LRP1B: variants seen among roughly 807,000 people sequenced by gnomAD.
LRP1B encodes LDL receptor related protein 1B.
LRP1B carries 217 observed loss-of-function variants against 556.6 expected under a neutral mutation model. The observed-to-expected ratio is 0.39, with a 90% CI of 0.35 to 0.44. The LOEUF (loss-of-function observed/expected upper bound fraction) is 0.44, where lower values mean the gene tolerates loss of function less well. Ranked by LOEUF, LRP1B falls within the 20% of genes least tolerant of loss-of-function variation. LRP1B has a pLI of 1.00. For synonymous variants in LRP1B, 2,047 were observed against 1,865.8 expected, an observed-to-expected ratio of 1.10 and a Z score of -2.50; for missense variants, 5,053 against 5,620.8, an observed-to-expected ratio of 0.90 and a Z score of 3.23.
chr2:141,920,598 C>T (rs1700160445), intron 1 of LRP1B, among the ~76,000 whole-genome samples: 1 of 151,896 alleles, frequency 6.6e-6, no homozygotes, highest in Admixed American at 6.6e-5. Flanking sequence ...GATGAATGAA[C>T]AAAGTTGAAG....
chr2:140,371,962 A>G (rs769557694), intron 69 of LRP1B, among the ~76,000 whole-genome samples: 1 of 152,086 alleles, frequency 6.6e-6, no homozygotes, highest in African/African-American at 2.4e-5. Flanking sequence ...AATATTTGCA[A>G]GTTTATAATA....
At chr2:141,239,330 A>T (rs1191907216) in intron 5 of LRP1B, among the ~76,000 whole-genome samples, 1 of 152,148 alleles carries the variant, frequency 6.6e-6, no homozygotes, top group East Asian at 1.9e-4. Flanking sequence ...TGTAAGATTC[A>T]TTGAAGGCGA....
chr2:141,931,969 G>A (rs562235843), intron 1 of LRP1B, among the ~76,000 whole-genome samples: 33 of 152,090 alleles, frequency 2.2e-4, no homozygotes, highest in African/African-American at 7.7e-4. Flanking sequence ...GGATTTAATA[G>A]GTGTTTGAAA....
intron 62 of LRP1B, among the ~76,000 whole-genome samples, chr2:140,451,493 T>C (rs1420925295): frequency 2.6e-5 from 4 of 152,222 alleles, no homozygotes; most frequent in African/African-American, 9.6e-5. Flanking sequence ...CATCTCTTAG[T>C]CTGTGTTCTT....
chr2:141,547,008 G>A (rs76504749), intron 2 of LRP1B, among the ~76,000 whole-genome samples: 1,637 of 152,106 alleles, frequency 0.011, 14 homozygotes, highest in Middle Eastern at 0.017. Flanking sequence ...TTTCCTAATG[G>A]TTCCCAAATG....
At chr2:140,334,000 A>AAAACAAAACAAAAC (rs1553449061) in intron 79 of LRP1B, among the ~76,000 whole-genome samples, 1 of 151,672 alleles carries the variant, frequency 6.6e-6, no homozygotes, top group African/African-American at 2.4e-5. Flanking sequence ...AAAAGGCAAA[A>AAAACAAAACAAAAC]AAAACAAAAC....
intron 2 of LRP1B, among the ~76,000 whole-genome samples, chr2:141,616,721 CA>C (rs1334436047): frequency 6.6e-6 from 1 of 152,174 alleles, no homozygotes. Flanking sequence ...TTACTGCACA[CA>C]AAAGATTTCA....
chr2:141,102,861 T>G (rs567252674), intron 7 of LRP1B, among the ~76,000 whole-genome samples: 69 of 152,226 alleles, frequency 4.5e-4, no homozygotes, highest in African/African-American at 1.6e-3. Context: ...TAAAAATTCT[T>G]TATTTATGAA....
At position 140,325,799 on chromosome 2, in the gene LRP1B, A is replaced by G. The variant is rs1680442039; in HGVS notation, c.12303T>C (p.Asp4101=). The G allele has an allele frequency of 1.2e-6, 2 of 1,613,004 alleles. No individual in the cohort carries two copies. Among genetic ancestry groups the G allele is most frequent in the Non-Finnish European group, 1.7e-6 (2 of 1,179,452 alleles). Residue 4101 remains aspartate (D), a synonymous_variant, in exon 80 of 91, where the codon GAT becomes GAC. Transcript: ENST00000389484. ...ELSIIGSVLY[D]GSNSVVSVSS... ...TGACAGAGACTACTGAATTAGAGCC[A>G]TCATACAGAACACTGCCAATGATGG...
Position 140,700,660 on chromosome 2 carries a change from GT to G in LRP1B, c.6428-40del, listed in dbSNP as rs200561604. The G allele has an allele frequency of 4.0e-4, 637 of 1,580,602 alleles. 3 individuals are homozygous for G. The East Asian group carries it at 0.013, about 33-fold the overall frequency. On this transcript the variant is annotated intron_variant, in intron 40 of 90. Coordinates refer to ENST00000389484, the MANE Select transcript of LRP1B (RefSeq NM_018557.3). ...ATGATACACACATGCACATGTTTAT[GT>G]TTTTCTTTTGTTTTTGAAACAAAAT...
intron 1 of LRP1B, among the ~76,000 whole-genome samples, chr2:141,996,655 T>C (rs964971318): frequency 1.3e-5 from 2 of 152,128 alleles, no homozygotes; most frequent in Admixed American, 6.5e-5. Context: ...AGCTCGACCA[T>C]GTGGAATTTA....
chr2:141,488,847 A>C (rs1218232441), intron 2 of LRP1B, among the ~76,000 whole-genome samples: 1 of 152,156 alleles, frequency 6.6e-6, no homozygotes, highest in South Asian at 2.1e-4. Flanking sequence ...TGCCTTAAAA[A>C]TTAACTTTCC....
chr2:141,539,228 A>G (rs957183347), intron 2 of LRP1B, among the ~76,000 whole-genome samples: 4 of 152,098 alleles, frequency 2.6e-5, no homozygotes, highest in African/African-American at 9.7e-5. Flanking sequence ...TTAAGGATGT[A>G]TATAGTACTA....
At chr2:142,081,969 T>C (rs1385805893) in intron 1 of LRP1B, among the ~76,000 whole-genome samples, 4 of 152,196 alleles carry the variant, frequency 2.6e-5, no homozygotes, top group African/African-American at 9.6e-5. Flanking sequence ...TACTAAGTGG[T>C]AGAACTAGAT....
rs187098802 is a variant in LRP1B at position 141,407,265 on chromosome 2, A to G, written c.343+73131T>C. ...TTCATAATTCTCAATAAAATAATAG[A>G]AATGTTAAGATGTATTTAATTCAAC... On this transcript the variant is annotated intron_variant, in intron 3 of 90. Coordinates refer to ENST00000389484, the MANE Select transcript of LRP1B (RefSeq NM_018557.3). Among the ~76,000 whole-genome samples the G allele has an allele frequency of 5.3e-5, 8 of 152,264 alleles. No individual in the cohort carries two copies. The East Asian group carries it at 1.5e-3, about 29-fold the overall frequency.
rs564265777 is a variant in LRP1B, at chr2:140,605,349, A to G, written c.6800-3710T>C. Among the ~76,000 whole-genome samples, 25 of 152,240 alleles carry G rather than the reference A, an allele frequency of 1.6e-4. No individual in the cohort carries two copies. In the South Asian group the frequency reaches 5.2e-3, roughly 32 times the overall value. The stretch of plus-strand genomic sequence containing the variant: ...TATTCCACATCTATATTAACTGTGA[A>G]GTTTCCAAGGATACAGGTCCAATTC... On this transcript the variant is annotated intron_variant, in intron 41 of 90. Transcript: ENST00000389484.
chr2:140,944,283 T>C (rs1695480734), intron 20 of LRP1B, among the ~76,000 whole-genome samples: 1 of 151,948 alleles, frequency 6.6e-6, no homozygotes, highest in African/African-American at 2.4e-5. Flanking sequence ...ATAAATACCT[T>C]ACCAGGCAAA....
At chr2:142,043,709 A>C (rs1041884651) in intron 1 of LRP1B, among the ~76,000 whole-genome samples, 4 of 151,726 alleles carry the variant, frequency 2.6e-5, no homozygotes, top group African/African-American at 4.8e-5. Context: ...TTACAGGTGC[A>C]CAGTTGTCCA....
intron 1 of LRP1B, among the ~76,000 whole-genome samples, chr2:141,916,194 T>C (rs959548795): frequency 6.6e-6 from 1 of 151,924 alleles, no homozygotes; most frequent in African/African-American, 2.4e-5. Context: ...GGCTGGTGGA[T>C]TGGATAAAGA....
Sources: allele counts gnomAD v4.1 joint callset (sites outside exome capture counted in the v4.1 genomes callset), GRCh38; gene constraint gnomAD v4.1.1; transcripts MANE v1.5; gene names NCBI Gene and HGNC (gene_info 2026-07-23, HGNC 2026-07-21).